ATP2C1: variants seen among roughly 807,000 people sequenced by gnomAD.
ATP2C1 encodes the protein ATPase secretory pathway Ca2+ transporting 1, also known as calcium-transporting ATPase type 2C member 1.
A neutral mutation model predicts 120.5 loss-of-function variants in ATP2C1; 31 were observed. The observed-to-expected ratio is 0.26, with a 90% confidence interval of 0.19 to 0.35. The LOEUF (loss-of-function observed/expected upper bound fraction) is 0.35. Ranked by LOEUF, ATP2C1 falls within the 10% of genes least tolerant of loss-of-function variation. ATP2C1 has a pLI of 1.00. For synonymous variants in ATP2C1, 351 were observed against 358.7 expected (o/e 0.98, Z 0.24); for missense variants, 731 against 1,107.5 (o/e 0.66, Z 4.83).
intron 1 of ATP2C1, among the ~76,000 whole-genome samples, chr3:130,874,370 T>C (rs1458537012): frequency 6.6e-6 from 1 of 152,212 alleles, no homozygotes; most frequent in African/African-American, 2.4e-5. Flanking sequence ...TCTTATTCAG[T>C]TTTTGGACAT....
intron 1 of ATP2C1, among the ~76,000 whole-genome samples, chr3:130,878,046 C>T (rs1283028525): frequency 6.7e-6 from 1 of 149,450 alleles, no homozygotes. Context: ...GGACACAAAA[C>T]CAAACACTGC....
At chr3:130,997,402 T>C (rs1276778430) in intron 24 of ATP2C1, among the ~76,000 whole-genome samples, 2 of 152,152 alleles carry the variant, frequency 1.3e-5, no homozygotes, top group Non-Finnish European at 1.5e-5. Flanking sequence ...CCCTATCAAA[T>C]TGTGCCAAAC....
intron 2 of ATP2C1, among the ~76,000 whole-genome samples, chr3:130,899,110 A>T (rs931186886): frequency 7.2e-5 from 11 of 152,070 alleles, no homozygotes; most frequent in Admixed American, 6.6e-4. Flanking sequence ...GAAAGAAAGG[A>T]TCTCTCAAAA....
intron 1 of ATP2C1, among the ~76,000 whole-genome samples, chr3:130,851,202 T>G (rs1337856601): frequency 2.0e-5 from 3 of 152,232 alleles, no homozygotes; most frequent in Non-Finnish European, 4.4e-5. Context: ...AGTTAAATTT[T>G]GAATTCTTTG....
intron 26 of ATP2C1, among the ~76,000 whole-genome samples, chr3:131,012,777 T>TA (rs946332641): frequency 1.3e-5 from 2 of 152,206 alleles, no homozygotes; most frequent in African/African-American, 4.8e-5. Context: ...AACTCTTATT[T>TA]AACAAAGTAA....
chr3:130,887,756 T>C (rs536324671), intron 1 of ATP2C1, among the ~76,000 whole-genome samples: 8 of 152,262 alleles, frequency 5.3e-5, no homozygotes, highest in African/African-American at 1.7e-4. Flanking sequence ...GGGAAGGTCA[T>C]GAAATGCCAT....
Position 130,967,407 on chromosome 3 carries a change from T to C in ATP2C1, c.1296T>C (p.Ala432=), listed in dbSNP as rs779140657. ...MGKPTEGALI[A]LAMKMGLDGL... is the part of the protein sequence containing the mutation. The stretch of plus-strand genomic sequence containing the variant: ...AGCCAACAGAAGGGGCCTTAATTGC[T>C]CTTGCAATGAAGGTACGTACCTAAA... Residue 432 remains alanine, a synonymous_variant, in exon 16 of 28, where the codon GCT becomes GCC. Transcript: ENST00000510168. 6.2e-7 allele frequency: 1 copy of C among 1,613,344 alleles called. No homozygotes were observed.
At chr3:130,982,335 G>A (rs1240803686) in intron 20 of ATP2C1, among the ~76,000 whole-genome samples, 2 of 152,114 alleles carry the variant, frequency 1.3e-5, no homozygotes, top group South Asian at 2.1e-4. Flanking sequence ...CAAATTATTT[G>A]TAGGAAGGAG....
intron 8 of ATP2C1, among the ~76,000 whole-genome samples, chr3:130,943,680 C>T (rs778645938): frequency 1.5e-4 from 23 of 152,146 alleles, no homozygotes; most frequent in Non-Finnish European, 2.6e-4. Context: ...TCCACTTTTA[C>T]GTATATAGTT....
intron 6 of ATP2C1, among the ~76,000 whole-genome samples, chr3:130,940,254 A>G (rs1253173593): frequency 2.6e-5 from 4 of 152,204 alleles, no homozygotes; most frequent in African/African-American, 7.2e-5. Context: ...ACGGTTAATT[A>G]TCTTTGACTT....
chr3:130,894,414 C>A lies in ATP2C1; in HGVS notation c.-181+77C>A. 8.1e-7 allele frequency: 1 copy of A among 1,240,412 alleles called. No homozygotes were observed. The highest frequency in any genetic ancestry group is 1.8e-5 in the South Asian group (1 of 56,134). The allele number at this position is 1,240,412 out of a possible 1,614,324, so 76.8% of individuals were successfully genotyped here. A position where few individuals can be genotyped will look rare whatever the true frequency, so the allele number is the denominator to read the frequency against. ...GAAGGAAGGGGAGGTTCGGGTATCCCCTGGATGGGGGGGCATCTCTAGGGC... is the reference window on the plus strand; with the variant it reads ...GAAGGAAGGGGAGGTTCGGGTATCCACTGGATGGGGGGGCATCTCTAGGGC... On this transcript the variant is annotated intron_variant, in intron 1 of 27. Coordinates refer to ENST00000510168, the MANE Select transcript of ATP2C1 (RefSeq NM_001378687.1). The surrounding 1 kb of genome is among the most constrained non-coding windows in gnomAD (Gnocchi z 4.5).
chr3:130,901,333 A>T (rs2057810333), intron 2 of ATP2C1, among the ~76,000 whole-genome samples: 1 of 152,062 alleles, frequency 6.6e-6, no homozygotes, highest in Admixed American at 6.6e-5. Flanking sequence ...TTGGTAGATC[A>T]GTTATTATAT....
At chr3:130,860,286 A>AT (rs1176226697) in intron 1 of ATP2C1, among the ~76,000 whole-genome samples, 1 of 152,238 alleles carries the variant, frequency 6.6e-6, no homozygotes, top group African/African-American at 2.4e-5. Context: ...AGACAGTCCC[A>AT]TGTCTTGACA....
chr3:130,865,160 C>G (rs1171678416), intron 1 of ATP2C1, among the ~76,000 whole-genome samples: 1 of 152,190 alleles, frequency 6.6e-6, no homozygotes, highest in Non-Finnish European at 1.5e-5. Flanking sequence ...GATGTGAGAC[C>G]TGGAGTCAAA....
chr3:130,954,183 G>A (rs1427349796), intron 9 of ATP2C1, among the ~76,000 whole-genome samples: 2 of 152,008 alleles, frequency 1.3e-5, no homozygotes, highest in African/African-American at 4.8e-5. Flanking sequence ...CCCAGATAAT[G>A]GATAATCCTC....
intron 10 of ATP2C1, 63 bp downstream of exon 10, chr3:130,955,143 A>C: frequency 9.0e-7 from 1 of 1,107,146 alleles, no homozygotes; most frequent in East Asian, 2.4e-5. Flanking sequence ...TTGTAAGTAG[A>C]GAATGTTGGA....
intron 2 of ATP2C1, among the ~76,000 whole-genome samples, chr3:130,896,321 G>A (rs963006666): frequency 5.3e-5 from 8 of 152,098 alleles, no homozygotes; most frequent in Non-Finnish European, 8.8e-5. Flanking sequence ...TAGGAGAATG[G>A]TGCCTACTTG....
Position 130,915,563 on chromosome 3 carries a change from C to T in ATP2C1, c.7-14853C>T, listed in dbSNP as rs150026771. 1.9e-3 allele frequency among the ~76,000 whole-genome samples: 291 copies of T among 152,128 alleles called. 4 individuals are homozygous for T. The East Asian group carries it at 0.038, about 20-fold the overall frequency. On this transcript the variant is annotated intron_variant, in intron 2 of 27. Transcript: ENST00000510168. ...GCATAGTGAGTGTTGGTTTGTGTGA[C>T]CTGCAGTTCTTGTAGCTATTGAGTT...
At chr3:130,970,315 C>T (rs1474536264) in intron 17 of ATP2C1, among the ~76,000 whole-genome samples, 2 of 149,572 alleles carry the variant, frequency 1.3e-5, no homozygotes, top group African/African-American at 4.9e-5. Context: ...TGCAGTGAGC[C>T]GAGATCACCC....
Sources: gnomAD v4.1 joint callset for allele counts (sites outside exome capture counted in the v4.1 genomes callset) on GRCh38, gnomAD v4.1.1 for gene constraint, Gnocchi (gnomAD v3.1) non-coding constraint, MANE v1.5 for transcripts, NCBI Gene and HGNC (gene_info 2026-07-23, HGNC 2026-07-21) for gene names.